THADA: variants seen among roughly 807,000 people sequenced by gnomAD.
THADA encodes the protein tRNA (32-2'-O)-methyltransferase regulator THADA.
A neutral mutation model predicts 219.8 loss-of-function variants in THADA; 213 were observed. The ratio of observed to expected loss-of-function variants is 0.97; its 90% CI spans 0.87 to 1.09. The LOEUF (loss-of-function observed/expected upper bound fraction) is 1.09. Ranked by LOEUF, THADA falls within the 50% of genes least tolerant of loss-of-function variation. The probability of loss-of-function intolerance (pLI) is 0.00; values close to 1 mark genes in which losing one functional copy is unlikely to be tolerated. For synonymous variants in THADA, 1,018 were observed against 828.9 expected, an observed-to-expected ratio of 1.23 and a Z score of -3.92; for missense variants, 2,956 against 2,311.3, an observed-to-expected ratio of 1.28 and a Z score of -5.72.
intron 17 of THADA, 124 bp downstream of exon 17, chr2:43,556,221 C>T (rs1697323924): frequency 6.7e-7 from 1 of 1,500,112 alleles, no homozygotes; most frequent in East Asian, 2.3e-5. Flanking sequence ...CCATGGTGCT[C>T]TTATATGCTG....
At chr2:43,274,058 C>G (rs952198640) in intron 36 of THADA, among the ~76,000 whole-genome samples, 1 of 152,162 alleles carries the variant, frequency 6.6e-6, no homozygotes, top group African/African-American at 2.4e-5. Flanking sequence ...CCACCTCCCT[C>G]CTAAACACCA....
At chr2:43,382,732 A>C (rs1027985430) in intron 29 of THADA, among the ~76,000 whole-genome samples, 1 of 152,208 alleles carries the variant, frequency 6.6e-6, no homozygotes, top group African/African-American at 2.4e-5. Flanking sequence ...GAATTAAAGA[A>C]GAAATAAGAC....
chr2:43,573,049 C>T, intron 11 of THADA, 57 bp from the exon 12 acceptor site: 1 of 1,324,206 alleles, frequency 7.6e-7, no homozygotes, highest in Non-Finnish European at 1.0e-6. Flanking sequence ...CTATAATTAT[C>T]AGCTGCTAAT....
intron 26 of THADA, among the ~76,000 whole-genome samples, chr2:43,436,297 C>T (rs1325373684): frequency 6.6e-6 from 1 of 152,108 alleles, no homozygotes; most frequent in African/African-American, 2.4e-5. Context: ...CTATCTCAGA[C>T]CCCGGGAGGT....
intron 30 of THADA, among the ~76,000 whole-genome samples, chr2:43,336,985 T>C (rs1212315378): frequency 6.6e-6 from 1 of 152,204 alleles, no homozygotes; most frequent in Non-Finnish European, 1.5e-5. Context: ...TGCCAGATCT[T>C]CCAGTTTTTC....
Position 43,291,761 on chromosome 2 carries a change from T to C in THADA, c.4945A>G (p.Ile1649Val), listed in dbSNP as rs1451759214. ...MDIASNERSE[I>V]QSVALRLASK... ...GCAAGTCTCAGAGCTACACTCTGAA[T>C]TTCAGATCTAGAAAAATAAACAAAC... The change falls in exon 34 of 38, where the codon ATT (isoleucine) becomes GTT (valine). Residue 1649 changes from isoleucine to valine, a missense_variant. Physicochemically the swap from Ile to Val is conservative, Grantham distance 29. Coordinates refer to ENST00000405975, the MANE Select transcript of THADA (RefSeq NM_022065.5). The C allele has an allele frequency of 1.3e-6, 2 of 1,547,438 alleles. No individual in the cohort carries two copies. Among genetic ancestry groups the C allele is most frequent in the Admixed American group, 2.0e-5 (1 of 50,156 alleles).
At chr2:43,306,331 G>A (rs992176777) in intron 31 of THADA, among the ~76,000 whole-genome samples, 1 of 152,138 alleles carries the variant, frequency 6.6e-6, no homozygotes, top group Non-Finnish European at 1.5e-5. Flanking sequence ...TTCTTTCGGC[G>A]AATTGGTCCG....
intron 24 of THADA, among the ~76,000 whole-genome samples, chr2:43,500,723 C>T (rs1401761984): frequency 1.3e-5 from 2 of 152,020 alleles, no homozygotes; most frequent in Admixed American, 1.3e-4. Context: ...GTTCCAGCAG[C>T]AAAGTACAAT....
At chr2:43,501,306 C>CAAAAAAAAAAAAAAA (rs1558864377) in intron 24 of THADA, among the ~76,000 whole-genome samples, 2 of 12,284 alleles carry the variant, frequency 1.6e-4, no homozygotes, top group African/African-American at 5.4e-4. Flanking sequence ...AACTCCAACT[C>CAAAAAAAAAAAAAAA]CAAAAAAAAA....
chr2:43,499,076 C>G (rs954585901), intron 24 of THADA, 121 bp from the exon 25 acceptor site: 3 of 1,075,196 alleles, frequency 2.8e-6, no homozygotes, highest in Non-Finnish European at 2.6e-6. Flanking sequence ...AATGGATAAT[C>G]CGCAAATGAA....
chr2:43,411,796 C>T (rs1019421962), intron 28 of THADA, among the ~76,000 whole-genome samples: 1 of 152,158 alleles, frequency 6.6e-6, no homozygotes, highest in African/African-American at 2.4e-5. Flanking sequence ...TGTTCAGAAG[C>T]ACGGTACATT....
rs536993283 is a variant in THADA, at chr2:43,339,288, T to G, written c.4343+4834A>C. Among the ~76,000 whole-genome samples the G allele has an allele frequency of 2.0e-5, 3 of 152,334 alleles. No homozygotes were observed. In the South Asian group the frequency reaches 6.2e-4, roughly 32 times the overall value. On this transcript the variant is annotated intron_variant, in intron 30 of 37. Coordinates refer to ENST00000405975, the MANE Select transcript of THADA (RefSeq NM_022065.5). ...TCCACTGCATGCATGCATTCATTCA[T>G]TCATTTTCTTGAGACAGAGTCTTTC...
intron 34 of THADA, among the ~76,000 whole-genome samples, chr2:43,289,875 A>G (rs1050108856): frequency 6.8e-6 from 1 of 146,642 alleles, no homozygotes; most frequent in African/African-American, 2.5e-5. Context: ...TTGGTCTCAA[A>G]CTCCTGACCT....
At chr2:43,442,380 G>C (rs1680951881) in intron 26 of THADA, among the ~76,000 whole-genome samples, 1 of 152,084 alleles carries the variant, frequency 6.6e-6, no homozygotes. Context: ...AGGTTGCAGT[G>C]AGCCAAGATC....
chr2:43,260,065 C>G (rs904955443), intron 36 of THADA, among the ~76,000 whole-genome samples: 4 of 152,144 alleles, frequency 2.6e-5, no homozygotes, highest in African/African-American at 9.7e-5. Context: ...CTCACTGCAG[C>G]CTATGCCTCC....
Position 43,531,487 on chromosome 2 carries a change from G to A in THADA, c.3265-3499C>T, listed in dbSNP as rs531477601. Among the ~76,000 whole-genome samples, 238 of 152,288 alleles carry A rather than the reference G, an allele frequency of 1.6e-3. 1 individual carries two copies. Among genetic ancestry groups the A allele is most frequent in the African/African-American group, 5.5e-3 (229 of 41,556 alleles). On this transcript the variant is annotated intron_variant, in intron 21 of 37. Transcript: ENST00000405975. ...AAGGACAAGGCTACAAGGAAGAGAA[G>A]AATCCGATTACAAATGACTAGTGGG...
intron 26 of THADA, among the ~76,000 whole-genome samples, chr2:43,469,899 T>C (rs1215394972): frequency 6.6e-6 from 1 of 151,966 alleles, no homozygotes; most frequent in Non-Finnish European, 1.5e-5. Flanking sequence ...GAAGGTGACA[T>C]GGGAAAAAAT....
intron 29 of THADA, chr2:43,391,665 A>C (rs1673401112): frequency 6.6e-6 from 1 of 152,168 alleles, no homozygotes. Flanking sequence ...CATAGAAAGT[A>C]ATCTTTCTTT....
intron 28 of THADA, among the ~76,000 whole-genome samples, chr2:43,411,781 A>G (rs1204891345): frequency 3.9e-5 from 6 of 152,212 alleles, no homozygotes; most frequent in Admixed American, 6.5e-5. Context: ...TGGTGGTGGT[A>G]TCTTTGTTCA....
Sources: allele counts gnomAD v4.1 joint callset (sites outside exome capture counted in the v4.1 genomes callset), GRCh38; gene constraint gnomAD v4.1.1; transcripts MANE v1.5; gene names NCBI Gene and HGNC (gene_info 2026-07-23, HGNC 2026-07-21).